Variants in KLHL1 observed in about 807,000 individuals in gnomAD.
The protein encoded by KLHL1 is kelch-like protein 1.
In KLHL1, 47 loss-of-function variants were observed where a neutral mutation model predicts 77.7. The ratio of observed to expected loss-of-function variants is 0.60; its 90% confidence interval spans 0.48 to 0.77. KLHL1 has a LOEUF of 0.77. KLHL1 is among the 30% of genes least tolerant of loss of function. The pLI is 0.00. For synonymous variants in KLHL1, 360 were observed against 325.2 expected (o/e 1.11, Z -1.15); for missense variants, 925 against 910.8 (o/e 1.02, Z -0.20).
intron 5 of KLHL1, among the ~76,000 whole-genome samples, chr13:69,864,017 C>T (rs1351367423): frequency 6.6e-6 from 1 of 151,870 alleles, no homozygotes; most frequent in African/African-American, 2.4e-5. Context: ...ATAATTTATA[C>T]TTAGATTTGT....
chr13:70,020,540 G>C (rs892110251), intron 1 of KLHL1, among the ~76,000 whole-genome samples: 3 of 151,914 alleles, frequency 2.0e-5, no homozygotes, highest in Non-Finnish European at 2.9e-5. Context: ...AGATCTACTG[G>C]CATACTTAGC....
chr13:69,900,623 T>C (rs1881821016), intron 4 of KLHL1, among the ~76,000 whole-genome samples: 1 of 152,126 alleles, frequency 6.6e-6, no homozygotes, highest in Non-Finnish European at 1.5e-5. Flanking sequence ...TGCACTAGGA[T>C]CCAGAATATA....
chr13:69,927,185 T>G (rs1264505834), intron 4 of KLHL1, among the ~76,000 whole-genome samples: 1 of 152,068 alleles, frequency 6.6e-6, no homozygotes, highest in African/African-American at 2.4e-5. Flanking sequence ...ACACGCAAAA[T>G]GTATACATGT....
intron 7 of KLHL1, among the ~76,000 whole-genome samples, chr13:69,743,027 A>G (rs1874049782): frequency 6.6e-6 from 1 of 152,188 alleles, no homozygotes; most frequent in South Asian, 2.1e-4. Flanking sequence ...GAGATCCTGA[A>G]ATCAACTTTT....
intron 1 of KLHL1, 76 bp from the exon 2 acceptor site, chr13:69,975,878 A>T: frequency 7.1e-7 from 1 of 1,418,322 alleles, no homozygotes; most frequent in South Asian, 1.7e-5. Flanking sequence ...CTAGAATAAC[A>T]TACAGGTTTT....
chr13:69,814,753 C>A (rs751036885), intron 6 of KLHL1, among the ~76,000 whole-genome samples: 2 of 152,148 alleles, frequency 1.3e-5, no homozygotes, highest in Non-Finnish European at 2.9e-5. Flanking sequence ...TAACTCATGC[C>A]TGTAATCCCA....
At chr13:69,887,641 C>T (rs1881268708) in intron 4 of KLHL1, among the ~76,000 whole-genome samples, 1 of 152,144 alleles carries the variant, frequency 6.6e-6, no homozygotes. Context: ...AAGTTCTTTG[C>T]CACTTTATAA....
At chr13:69,771,884 C>T (rs1875586610) in intron 7 of KLHL1, among the ~76,000 whole-genome samples, 2 of 152,008 alleles carry the variant, frequency 1.3e-5, no homozygotes, top group South Asian at 2.1e-4. Context: ...ATAGCAAATA[C>T]CACTCACTTT....
At chr13:69,948,258 C>T (rs1373645059) in intron 3 of KLHL1, among the ~76,000 whole-genome samples, 1 of 152,038 alleles carries the variant, frequency 6.6e-6, no homozygotes. Context: ...CAGATTCAGA[C>T]AGGAAAGCAC....
intron 6 of KLHL1, among the ~76,000 whole-genome samples, chr13:69,827,138 C>T (rs1878579978): frequency 1.3e-5 from 2 of 151,292 alleles, no homozygotes; most frequent in South Asian, 4.2e-4. Flanking sequence ...ATTAATAAAA[C>T]AGAGTTTGAA....
At chr13:69,789,176 C>A (rs958078012) in intron 7 of KLHL1, among the ~76,000 whole-genome samples, 4 of 151,994 alleles carry the variant, frequency 2.6e-5, no homozygotes, top group African/African-American at 9.7e-5. Flanking sequence ...TTAATTTATT[C>A]CACAGGAATC....
chr13:69,925,973 A>C (rs1322323019), intron 4 of KLHL1, among the ~76,000 whole-genome samples: 1 of 152,236 alleles, frequency 6.6e-6, no homozygotes, highest in African/African-American at 2.4e-5. Flanking sequence ...ATCAACAATA[A>C]TCAAATACAA....
chr13:69,822,834 T>C (rs989595814), intron 6 of KLHL1, among the ~76,000 whole-genome samples: 5 of 152,166 alleles, frequency 3.3e-5, no homozygotes, highest in African/African-American at 1.2e-4. Flanking sequence ...ATTAAATTGA[T>C]ATTGATATTA....
At chr13:70,095,342 C>T (rs1314350972) in intron 1 of KLHL1, among the ~76,000 whole-genome samples, 1 of 152,106 alleles carries the variant, frequency 6.6e-6, no homozygotes, top group East Asian at 1.9e-4. Flanking sequence ...TTAGGACTAT[C>T]AGGAATTGAC....
At chr13:69,738,674 A>G (rs1278889264) in intron 8 of KLHL1, among the ~76,000 whole-genome samples, 1 of 152,068 alleles carries the variant, frequency 6.6e-6, no homozygotes, top group Non-Finnish European at 1.5e-5. Context: ...ATCTTGTTGA[A>G]ACAAGGCAGG....
intron 3 of KLHL1, among the ~76,000 whole-genome samples, chr13:69,957,932 A>G (rs1883945598): frequency 6.6e-6 from 1 of 151,768 alleles, no homozygotes; most frequent in African/African-American, 2.4e-5. Flanking sequence ...TTTTCTTTCC[A>G]TTTCTGTGCT....
chr13:69,916,418 T>G (rs569876572), intron 4 of KLHL1, among the ~76,000 whole-genome samples: 3 of 151,544 alleles, frequency 2.0e-5, no homozygotes, highest in Non-Finnish European at 4.4e-5. Flanking sequence ...CCATAAAAAA[T>G]GATGAGTTCA....
At chr13:69,954,584 T>A (rs1424755787) in intron 3 of KLHL1, among the ~76,000 whole-genome samples, 1 of 151,350 alleles carries the variant, frequency 6.6e-6, no homozygotes, top group Non-Finnish European at 1.5e-5. Context: ...TGACTTACAC[T>A]GTGGTAGATA....
At chr13:69,705,842 C>A (rs921604659) in intron 10 of KLHL1, among the ~76,000 whole-genome samples, 1 of 151,544 alleles carries the variant, frequency 6.6e-6, no homozygotes, top group Non-Finnish European at 1.5e-5. Context: ...CTATTACTAC[C>A]TACTACATAT....
Sources: allele counts gnomAD v4.1 joint callset (sites outside exome capture counted in the v4.1 genomes callset), GRCh38; gene constraint gnomAD v4.1.1; transcripts MANE v1.5; gene names NCBI Gene and HGNC (gene_info 2026-07-23, HGNC 2026-07-21).